The following CPNE5 variants were observed in gnomAD, a reference collection of about 807,000 sequenced individuals.
CPNE5 encodes the protein copine-5.
Under a neutral mutation model 81.1 loss-of-function variants are expected in CPNE5, and 42 were observed. The ratio of observed to expected loss-of-function variants is 0.52; its 90% confidence interval spans 0.40 to 0.67. The LOEUF (loss-of-function observed/expected upper bound fraction) is 0.67, where lower values mean the gene tolerates loss of function less well. Among genes scored for constraint, CPNE5 ranks in the 30% least tolerant of loss-of-function variants. The pLI, the probability that CPNE5 is intolerant of heterozygous loss-of-function variation, is 0.00. For missense variants in CPNE5, 612 were observed against 815.5 expected (o/e 0.75, Z 3.04); for synonymous variants, 313 against 321.5 (o/e 0.97, Z 0.28).
chr6:36,789,263 G>T (rs1290510530), intron 8 of CPNE5, among the ~76,000 whole-genome samples: 1 of 152,154 alleles, frequency 6.6e-6, no homozygotes, highest in East Asian at 1.9e-4. Flanking sequence ...GAAAACTGCT[G>T]CTATCCCTGG....
intron 9 of CPNE5, among the ~76,000 whole-genome samples, chr6:36,777,390 G>T (rs1267657213): frequency 6.6e-6 from 1 of 151,930 alleles, no homozygotes; most frequent in Non-Finnish European, 1.5e-5. Flanking sequence ...CGCTCTGCTA[G>T]AGCAATCTTT....
chr6:36,776,925 C>A (rs780256796), intron 9 of CPNE5, among the ~76,000 whole-genome samples: 1 of 152,218 alleles, frequency 6.6e-6, no homozygotes, highest in Non-Finnish European at 1.5e-5. Context: ...TTCTCACCAG[C>A]GCAGCCATCG....
At chr6:36,757,224 G>T in intron 12 of CPNE5, 1 of 585,740 alleles carries the variant, frequency 1.7e-6, no homozygotes, top group Non-Finnish European at 2.2e-6. Context: ...TTTTAATAAG[G>T]GAAGTCTAGG....
intron 3 of CPNE5, among the ~76,000 whole-genome samples, chr6:36,806,886 T>C (rs74514843): frequency 0.012 from 1,756 of 152,330 alleles, 37 homozygotes; most frequent in African/African-American, 0.039. Context: ...AAGGGCTTCA[T>C]TGGGGGCTCT....
Position 36,800,084 on chromosome 6 carries a change from T to A in CPNE5, c.184-14A>T. 6.2e-7 allele frequency: 1 copy of A among 1,604,586 alleles called. No individual in the cohort carries two copies. The highest frequency in any genetic ancestry group is 1.1e-5 in the South Asian group (1 of 89,942). On this transcript the variant is annotated splice_polypyrimidine_tract_variant and intron_variant, in intron 3 of 20. Coordinates refer to ENST00000244751, the MANE Select transcript of CPNE5 (RefSeq NM_020939.2). ...GGTGCGCCCAAACTGCAAGAGAAGATGGAGGGTGAACCTCAGGGCCGGGCT... is the reference window on the plus strand; with the variant it reads ...GGTGCGCCCAAACTGCAAGAGAAGAAGGAGGGTGAACCTCAGGGCCGGGCT...
intron 7 of CPNE5, 37 bp downstream of exon 7, chr6:36,794,553 C>A: frequency 1.2e-6 from 2 of 1,602,940 alleles, no homozygotes; most frequent in South Asian, 1.1e-5. Context: ...GGCTGAATGT[C>A]TAAGGACTCC....
chr6:36,823,438 G>A (rs1483093832), intron 1 of CPNE5, among the ~76,000 whole-genome samples: 1 of 152,116 alleles, frequency 6.6e-6, no homozygotes, highest in Admixed American at 6.5e-5. Flanking sequence ...CTTTCTAGAA[G>A]CTCTCCTTTA....
chr6:36,800,971 T>C (rs1259682069), intron 3 of CPNE5, among the ~76,000 whole-genome samples: 1 of 152,114 alleles, frequency 6.6e-6, no homozygotes, highest in African/African-American at 2.4e-5. Context: ...CTTGAGATGA[T>C]TGAGGCCCCA....
intron 12 of CPNE5, among the ~76,000 whole-genome samples, chr6:36,761,140 C>T (rs540163067): frequency 6.6e-6 from 1 of 152,360 alleles, no homozygotes; most frequent in South Asian, 2.1e-4. Context: ...AGATCTGACC[C>T]CTTCCCTTCA....
At chr6:36,778,051 A>G (rs1163620106) in intron 9 of CPNE5, among the ~76,000 whole-genome samples, 1 of 152,134 alleles carries the variant, frequency 6.6e-6, no homozygotes, top group Admixed American at 6.5e-5. Context: ...GTAAGTGGCC[A>G]CAGCCTGCCA....
chr6:36,809,412 CA>C (rs1170053093), intron 3 of CPNE5, among the ~76,000 whole-genome samples: 1 of 151,920 alleles, frequency 6.6e-6, no homozygotes, highest in Non-Finnish European at 1.5e-5. Flanking sequence ...CCCATCTCCA[CA>C]AAAAATAAGA....
At chr6:36,832,274 C>T (rs1281237611) in intron 1 of CPNE5, among the ~76,000 whole-genome samples, 1 of 152,134 alleles carries the variant, frequency 6.6e-6, no homozygotes, top group Non-Finnish European at 1.5e-5. Flanking sequence ...CACGTTTGCC[C>T]ATCCAGCAAA....
intron 17 of CPNE5, 89 bp downstream of exon 17, chr6:36,745,299 A>G (rs1267103600): frequency 1.3e-6 from 2 of 1,488,438 alleles, no homozygotes; most frequent in Non-Finnish European, 9.1e-7. Context: ...GTGCGTGGGA[A>G]GAGAAACCCC....
At chr6:36,773,306 G>C (rs1582828491) in intron 10 of CPNE5, among the ~76,000 whole-genome samples, 1 of 152,304 alleles carries the variant, frequency 6.6e-6, no homozygotes, top group Non-Finnish European at 1.5e-5. Context: ...GCAATCACCA[G>C]GAGACAGGGA....
intron 15 of CPNE5, among the ~76,000 whole-genome samples, chr6:36,747,253 C>T (rs1225026843): frequency 8.5e-6 from 1 of 117,000 alleles, no homozygotes; most frequent in African/African-American, 3.4e-5. Flanking sequence ...GGCTTGATTT[C>T]CCCCCCCAGA....
rs546715932 is a variant in CPNE5, at chr6:36,741,530, C to T, written c.*738G>A. The stretch of plus-strand genomic sequence containing the variant: ...AAGCCTCTGGAGGGAGGAAGGGATT[C>T]CTGAAGCCAGGAGTCAACCATGGAA... On this transcript the variant is annotated 3_prime_UTR_variant, in exon 21 of 21. Transcript: ENST00000244751. 14 of 152,358 alleles carry T rather than the reference C, an allele frequency of 9.2e-5. No homozygotes were observed. Among genetic ancestry groups the T allele is most frequent in the Non-Finnish European group, 1.8e-4 (12 of 68,052 alleles). The allele number at this position is 152,358 out of a possible 1,614,324, so 9.4% of individuals were successfully genotyped here.
chr6:36,787,734 C>T (rs1365901308), intron 8 of CPNE5, among the ~76,000 whole-genome samples: 1 of 152,098 alleles, frequency 6.6e-6, no homozygotes, highest in African/African-American at 2.4e-5. Flanking sequence ...TGGGGAGGCC[C>T]CCGGGGCAGT....
At chr6:36,771,601 G>A (rs1430519710) in intron 10 of CPNE5, among the ~76,000 whole-genome samples, 3 of 152,182 alleles carry the variant, frequency 2.0e-5, no homozygotes, top group Non-Finnish European at 4.4e-5. Context: ...GGAGGCTTGG[G>A]TCAATAGGCC....
At chr6:36,744,210 G>T in intron 19 of CPNE5, 58 bp downstream of exon 19, 3 of 1,349,668 alleles carry the variant, frequency 2.2e-6, no homozygotes, top group South Asian at 2.5e-5. Flanking sequence ...CATCTGGGGT[G>T]GGGGCAGGGT....
Sources: allele counts gnomAD v4.1 joint callset (sites outside exome capture counted in the v4.1 genomes callset), GRCh38; gene constraint gnomAD v4.1.1; transcripts MANE v1.5; gene names NCBI Gene and HGNC (gene_info 2026-07-23, HGNC 2026-07-21).